FOXP1: variants seen among roughly 807,000 people sequenced by gnomAD.
The protein encoded by FOXP1 is forkhead box protein P1.
FOXP1 carries 15 observed loss-of-function variants against 98.2 expected under a neutral mutation model. That is an observed-to-expected ratio of 0.15 (90% CI 0.10 to 0.24). FOXP1 has a LOEUF of 0.24. FOXP1 is among the 10% of genes least tolerant of loss of function. The pLI, the probability that FOXP1 is intolerant of heterozygous loss-of-function variation, is 1.00. For missense variants in FOXP1, 633 were observed against 848.5 expected (o/e 0.75, Z 3.15); for synonymous variants, 371 against 314.5 (o/e 1.18, Z -1.90).
chr3:70,981,830 C>A (rs12497715), intron 14 of FOXP1, among the ~76,000 whole-genome samples: 2,287 of 152,222 alleles, frequency 0.015, 61 homozygotes, highest in Admixed American at 0.07. Flanking sequence ...GTTCTAATTG[C>A]TAATTTGCCA....
intron 19 of FOXP1, chr3:70,970,322 A>AAAAAG (rs2035936408): frequency 1.0e-5 from 2 of 200,246 alleles, no homozygotes; most frequent in South Asian, 1.6e-4. Context: ...TTAAAAGAAG[A>AAAAAG]AAAAGAAATA....
At chr3:70,967,936 C>T (rs2035303510) in intron 19 of FOXP1, among the ~76,000 whole-genome samples, 1 of 151,956 alleles carries the variant, frequency 6.6e-6, no homozygotes, top group African/African-American at 2.4e-5. Context: ...CTTCCCTGGT[C>T]AAAAACTGTG....
At chr3:71,302,172 A>T (rs1198239292) in intron 4 of FOXP1, among the ~76,000 whole-genome samples, 1 of 152,194 alleles carries the variant, frequency 6.6e-6, no homozygotes, top group African/African-American at 2.4e-5. Flanking sequence ...AATCTAACAG[A>T]CATTTTTCTA....
chr3:70,981,181 C>A, intron 14 of FOXP1, among the ~76,000 whole-genome samples: 1 of 113,106 alleles, frequency 8.8e-6, no homozygotes, highest in Non-Finnish European at 1.7e-5. Flanking sequence ...ACCACTAGGA[C>A]TCTTTCTACC....
intron 5 of FOXP1, chr3:71,276,310 G>C (rs1212450779): frequency 6.6e-6 from 1 of 152,096 alleles, no homozygotes; most frequent in African/African-American, 2.4e-5. Context: ...AAGGTAGTCT[G>C]TGAGCTCAGT....
intron 2 of FOXP1, among the ~76,000 whole-genome samples, chr3:71,501,573 T>C (rs1317154903): frequency 2.0e-5 from 3 of 152,156 alleles, no homozygotes; most frequent in Non-Finnish European, 4.4e-5. Flanking sequence ...ATTATAGGCG[T>C]GAGCCACCGT....
chr3:71,044,260 C>T lies in FOXP1; in HGVS notation c.664+2682G>A, dbSNP rs565962694. On this transcript the variant is annotated intron_variant, in intron 10 of 20. Coordinates refer to ENST00000649528, the MANE Select transcript of FOXP1 (RefSeq NM_001349338.3). Reference sequence around the variant, plus strand: ...AAATGGTAGACTAAGAATAATAGTACGAAGTTAAACAAATCCATTAGCAGG... The same window carrying T: ...AAATGGTAGACTAAGAATAATAGTATGAAGTTAAACAAATCCATTAGCAGG... Among the ~76,000 whole-genome samples the T allele has an allele frequency of 7.9e-5, 12 of 152,180 alleles. No homozygotes were observed. In the South Asian group the frequency reaches 1.0e-3, roughly 13 times the overall value.
chr3:71,406,059 T>C (rs1280929242), intron 3 of FOXP1, among the ~76,000 whole-genome samples: 4 of 152,004 alleles, frequency 2.6e-5, no homozygotes, highest in East Asian at 3.9e-4. Context: ...AGCTTTTCAC[T>C]CCAACATGCA....
intron 19 of FOXP1, chr3:70,970,398 C>A: frequency 2.9e-6 from 1 of 344,578 alleles, no homozygotes; most frequent in South Asian, 2.7e-5. Context: ...GGCCTATCAT[C>A]CAGCACATTA....
chr3:71,200,396 T>G (rs1048469362), intron 5 of FOXP1, among the ~76,000 whole-genome samples: 1 of 152,176 alleles, frequency 6.6e-6, no homozygotes, highest in African/African-American at 2.4e-5. Context: ...CACAAGTTAT[T>G]TAGTTTGTCC....
chr3:71,146,892 C>G (rs58874807), intron 6 of FOXP1, among the ~76,000 whole-genome samples: 1 of 152,018 alleles, frequency 6.6e-6, no homozygotes, highest in Admixed American at 6.5e-5. Context: ...CTGAGCACAG[C>G]GCGGGGAACA....
chr3:71,454,843 G>A (rs1457788628), intron 3 of FOXP1, among the ~76,000 whole-genome samples: 2 of 151,550 alleles, frequency 1.3e-5, no homozygotes, highest in Non-Finnish European at 1.5e-5. Context: ...ATCTCTCTCA[G>A]ACCCACTGAA....
intron 2 of FOXP1, among the ~76,000 whole-genome samples, chr3:71,541,569 G>A (rs1425459495): frequency 1.3e-5 from 2 of 151,756 alleles, no homozygotes; most frequent in African/African-American, 4.8e-5. Context: ...AATGTGAGGA[G>A]AGAAGCATGC....
intron 3 of FOXP1, among the ~76,000 whole-genome samples, chr3:71,419,745 A>G (rs1028007425): frequency 6.6e-6 from 1 of 152,212 alleles, no homozygotes; most frequent in Non-Finnish European, 1.5e-5. Context: ...GGATGAGCAT[A>G]TACACATACA....
chr3:70,992,642 A>C (rs982364818), intron 13 of FOXP1, among the ~76,000 whole-genome samples: 4 of 152,100 alleles, frequency 2.6e-5, no homozygotes, highest in Non-Finnish European at 5.9e-5. Flanking sequence ...GAATTTCCCT[A>C]CTTTTATTGT....
chr3:71,034,130 C>A (rs748261032), intron 11 of FOXP1, among the ~76,000 whole-genome samples: 1 of 152,102 alleles, frequency 6.6e-6, no homozygotes, highest in Non-Finnish European at 1.5e-5. Flanking sequence ...GACTTCCCTG[C>A]CAGCAAAAAG....
intron 2 of FOXP1, among the ~76,000 whole-genome samples, chr3:71,565,849 G>T (rs1229051751): frequency 3.3e-5 from 5 of 152,170 alleles, no homozygotes; most frequent in African/African-American, 9.7e-5. Flanking sequence ...AAGGTAGGGG[G>T]TAACGCTGGG....
chr3:70,988,529 G>T (rs1051893289), intron 13 of FOXP1, among the ~76,000 whole-genome samples: 2 of 152,210 alleles, frequency 1.3e-5, no homozygotes, highest in Non-Finnish European at 2.9e-5. Flanking sequence ...CATAGATTAA[G>T]ACAGTGCTGG....
chr3:71,489,888 A>G (rs1294176890), intron 3 of FOXP1, among the ~76,000 whole-genome samples: 10 of 152,152 alleles, frequency 6.6e-5, no homozygotes, highest in Admixed American at 6.5e-4. Context: ...TGTTTGAGTG[A>G]AGCAATCTGT....
Sources: gnomAD v4.1 joint callset for allele counts (sites outside exome capture counted in the v4.1 genomes callset) on GRCh38, gnomAD v4.1.1 for gene constraint, MANE v1.5 for transcripts, NCBI Gene and HGNC (gene_info 2026-07-23, HGNC 2026-07-21) for gene names.